MRC1: variants seen among roughly 807,000 people sequenced by gnomAD.
MRC1 encodes the protein mannose receptor C-type 1.
In MRC1, 62 loss-of-function variants were observed where a neutral mutation model predicts 102.9. The observed-to-expected ratio is 0.60, with a 90% CI of 0.49 to 0.74. The LOEUF (loss-of-function observed/expected upper bound fraction) is 0.74, where lower values mean the gene tolerates loss of function less well. MRC1 is among the 30% of genes least tolerant of loss of function. The pLI is 0.00. For synonymous variants in MRC1, 457 were observed against 298.4 expected (o/e 1.53, Z -5.48); for missense variants, 1,237 against 862.8 (o/e 1.43, Z -5.43).
chr10:17,895,145 G>A (rs1833737450), intron 23 of MRC1, among the ~76,000 whole-genome samples: 1 of 152,056 alleles, frequency 6.6e-6, no homozygotes, highest in Admixed American at 6.5e-5. Context: ...TGCCAGAGAG[G>A]CTGAGGCTAC....
chr10:17,867,253 T>G (rs1245919198), intron 12 of MRC1, among the ~76,000 whole-genome samples: 1 of 136,480 alleles, frequency 7.3e-6, no homozygotes, highest in African/African-American at 2.7e-5. Context: ...CCCTTCCCCC[T>G]TTCCCCTTCC....
At position 17,821,281 on chromosome 10, in the gene MRC1, A is replaced by T. The variant is rs554608732; in HGVS notation, c.62-1793A>T. 2.0e-5 allele frequency among the ~76,000 whole-genome samples: 3 copies of T among 152,194 alleles called. No homozygotes were observed. In the East Asian group the frequency reaches 5.8e-4, roughly 29 times the overall value. ...ACAGCATTTAATGCGTAACATCCAAACTTCTCTTTCTCATTCTTGGCACCA... is the reference window on the plus strand; with the variant it reads ...ACAGCATTTAATGCGTAACATCCAATCTTCTCTTTCTCATTCTTGGCACCA... On this transcript the variant is annotated intron_variant, in intron 1 of 29. Transcript: ENST00000569591.
intron 4 of MRC1, among the ~76,000 whole-genome samples, chr10:17,834,554 A>AG (rs1838633697): frequency 1.3e-5 from 2 of 152,106 alleles, no homozygotes; most frequent in African/African-American, 4.8e-5. Context: ...CTGGGATTAC[A>AG]GGTGCTTGCC....
chr10:17,910,172 T>C (rs1833949649), intron 29 of MRC1, 43 bp from the exon 30 acceptor site: 1 of 779,902 alleles, frequency 1.3e-6, no homozygotes, highest in Non-Finnish European at 2.4e-6. Flanking sequence ...TGCAACCCTC[T>C]GCCTCCCTCC....
At chr10:17,813,030 C>T (rs1332122046) in intron 1 of MRC1, among the ~76,000 whole-genome samples, 1 of 152,010 alleles carries the variant, frequency 6.6e-6, no homozygotes, top group African/African-American at 2.4e-5. Flanking sequence ...GACAGAGAAG[C>T]CTTAGAATCA....
intron 7 of MRC1, among the ~76,000 whole-genome samples, chr10:17,851,038 C>A (rs1405973229): frequency 7.9e-5 from 12 of 152,120 alleles, no homozygotes; most frequent in African/African-American, 2.9e-4. Context: ...GTCTGAATAA[C>A]AATTACTTAA....
chr10:17,814,615 C>A (rs1166991207), intron 1 of MRC1, among the ~76,000 whole-genome samples: 1 of 151,732 alleles, frequency 6.6e-6, no homozygotes, highest in Non-Finnish European at 1.5e-5. Flanking sequence ...AGATAACCCT[C>A]CACACCACAT....
rs956619930 is a variant in MRC1, at chr10:17,844,483, G to A, written c.917-806G>A. ...GATCCATCCGCCTCAGCCTCCCAAA[G>A]TGCTGGGATTACAGGCGTGAGCCAC... is the stretch of plus-strand genomic sequence containing the variant. On this transcript the variant is annotated intron_variant, in intron 5 of 29. Coordinates refer to ENST00000569591, the MANE Select transcript of MRC1 (RefSeq NM_002438.4). Among the ~76,000 whole-genome samples, 11 of 152,262 alleles carry A rather than the reference G, an allele frequency of 7.2e-5. No individual in the cohort carries two copies. In the South Asian group the frequency reaches 1.9e-3, roughly 26 times the overall value.
At chr10:17,872,259 A>G in intron 15 of MRC1, 133 bp downstream of exon 15, 3 of 765,896 alleles carry the variant, frequency 3.9e-6, no homozygotes, top group South Asian at 2.8e-5. Flanking sequence ...CCATCATTGC[A>G]TAGGATAAGC....
In MRC1 at chr10:17,827,564, T is replaced by C. The variant is rs1467822245; in HGVS notation, c.486T>C (p.Asn162=). Residue 162 remains asparagine, a synonymous_variant, in exon 3 of 30, where the codon AAT becomes AAC. Coordinates refer to ENST00000569591, the MANE Select transcript of MRC1 (RefSeq NM_002438.4). Reference sequence around the variant, plus strand: ...CAGCCATGTATACGCTACTAGGCAATGCCAATGGAGCAACCTGTGCATTCC... The same window carrying C: ...CAGCCATGTATACGCTACTAGGCAACGCCAATGGAGCAACCTGTGCATTCC... The part of the protein sequence containing the change: ...GYEAMYTLLG[N]ANGATCAFPF... 1.3e-6 allele frequency: 1 copy of C among 780,854 alleles called. No homozygotes were observed. The highest frequency in any genetic ancestry group is 2.4e-6 in the Non-Finnish European group (1 of 417,962). The allele number at this position is 780,854 out of a possible 1,614,324, so 48.4% of individuals were successfully genotyped here. A position where few individuals can be genotyped will look rare whatever the true frequency, so the allele number is the denominator to read the frequency against.
intron 4 of MRC1, among the ~76,000 whole-genome samples, chr10:17,836,960 T>C (rs1838674296): frequency 6.6e-6 from 1 of 152,190 alleles, no homozygotes; most frequent in Admixed American, 6.5e-5. Flanking sequence ...GTGGGGTGTG[T>C]TATCTCTTGG....
intron 9 of MRC1, among the ~76,000 whole-genome samples, chr10:17,860,539 A>G (rs1833169483): frequency 6.6e-6 from 1 of 152,158 alleles, no homozygotes; most frequent in Non-Finnish European, 1.5e-5. Context: ...TCGACTCCCA[A>G]AGTGCTGGCG....
chr10:17,810,754 A>G (rs1838208610), intron 1 of MRC1, among the ~76,000 whole-genome samples: 1 of 152,202 alleles, frequency 6.6e-6, no homozygotes, highest in Admixed American at 6.5e-5. Context: ...GGCAGAAAAG[A>G]AGTACATAAA....
At chr10:17,855,814 C>A (rs1197544186) in intron 8 of MRC1, among the ~76,000 whole-genome samples, 1 of 152,096 alleles carries the variant, frequency 6.6e-6, no homozygotes, top group Non-Finnish European at 1.5e-5. Flanking sequence ...GCCGTTTTCT[C>A]TCAATAACCT....
At position 17,831,259 on chromosome 10, in the gene MRC1, T is replaced by C. The variant is rs1371630366; in HGVS notation, c.638-2416T>C. Among the ~76,000 whole-genome samples the C allele has an allele frequency of 4.0e-5, 6 of 151,248 alleles. No individual in the cohort carries two copies. The East Asian group carries it at 1.2e-3, about 29-fold the overall frequency. On this transcript the variant is annotated intron_variant, in intron 3 of 29. Transcript: ENST00000569591. ...TAAAACGAGTTGTTTAAAACATCTC[T>C]ATCTTCAAATATACCCCAAATTAGT... is the stretch of plus-strand genomic sequence containing the variant.
intron 19 of MRC1, 90 bp downstream of exon 19, chr10:17,879,911 C>T: frequency 2.6e-6 from 2 of 778,468 alleles, no homozygotes; most frequent in East Asian, 2.4e-5. Context: ...TGTGTGCTTA[C>T]ATCAGACAAG....
At chr10:17,885,506 T>C in intron 22 of MRC1, 71 bp downstream of exon 22, 2 of 759,504 alleles carry the variant, frequency 2.6e-6, no homozygotes, top group Middle Eastern at 3.2e-4. Context: ...TATTGATTAC[T>C]GTTCCATGAA....
chr10:17,907,262 C>A (rs1244407649), intron 27 of MRC1, among the ~76,000 whole-genome samples: 4 of 151,902 alleles, frequency 2.6e-5, no homozygotes, highest in Non-Finnish European at 4.4e-5. Context: ...TTTCGTGGGG[C>A]CAGGAAAAAA....
chr10:17,846,342 AT>A (rs34729031), intron 6 of MRC1, among the ~76,000 whole-genome samples: 63,128 of 151,836 alleles, frequency 0.42, 13,284 homozygotes, highest in East Asian at 0.46. Flanking sequence ...CAAACTACAT[AT>A]TTTTTATTAT....
Sources: allele counts gnomAD v4.1 joint callset (sites outside exome capture counted in the v4.1 genomes callset), GRCh38; gene constraint gnomAD v4.1.1; transcripts MANE v1.5; gene names NCBI Gene and HGNC (gene_info 2026-07-23, HGNC 2026-07-21).